The following ZNF888 variants were observed in gnomAD, a reference collection of about 807,000 sequenced individuals.
The protein encoded by ZNF888 is zinc finger protein 888.
ZNF888 carries 5 observed loss-of-function variants against 7.2 expected under a neutral mutation model. The observed-to-expected ratio is 0.70, with a 90% CI of 0.36 to 1.46. The LOEUF (loss-of-function observed/expected upper bound fraction) is 1.46, where lower values mean the gene tolerates loss of function less well. Among genes scored for constraint, ZNF888 ranks in the 40% most tolerant of loss-of-function variants. The pLI, the probability that ZNF888 is intolerant of heterozygous loss-of-function variation, is 0.03. For missense variants in ZNF888, 716 were observed against 858.0 expected, an observed-to-expected ratio of 0.83 and a Z score of 2.07; for synonymous variants, 240 against 284.3, an observed-to-expected ratio of 0.84 and a Z score of 1.57.
In ZNF888 at chr19:52,907,860, C is replaced by G. The variant is rs2064630205; in HGVS notation, c.462G>C (p.Gln154His). The G allele has an allele frequency of 6.2e-7, 1 of 1,613,996 alleles. No homozygotes were observed. The highest frequency in any genetic ancestry group is 8.5e-7 in the Non-Finnish European group (1 of 1,180,022). ...HSHLPELHIF[Q>H]PEGKIGNQLE... ...GTTGATTACCAATTTTCCCTTCGGG[C>G]TGAAATATGTGCAGTTCAGGCAGAT... Residue 154 changes from glutamine (Q) to histidine (H), a missense_variant, in exon 5 of 5, where the codon CAG becomes CAC. Gln to His is a conservative substitution (Grantham distance 24). Coordinates refer to ENST00000638862, the MANE Select transcript of ZNF888 (RefSeq NM_001393938.1).
intron 4 of ZNF888, among the ~76,000 whole-genome samples, chr19:52,910,363 C>T (rs908878167): frequency 2.0e-5 from 3 of 151,974 alleles, no homozygotes; most frequent in Admixed American, 6.6e-5. Flanking sequence ...ATCCCAGCTA[C>T]TTGGGAGGCT....
At chr19:52,917,405 C>A in intron 3 of ZNF888, 1 of 369,762 alleles carries the variant, frequency 2.7e-6, no homozygotes, top group East Asian at 5.5e-5. Flanking sequence ...ACTCAATTAC[C>A]TAAAAATGTA....
At chr19:52,910,650 C>T (rs2064667063) in intron 4 of ZNF888, among the ~76,000 whole-genome samples, 1 of 152,060 alleles carries the variant, frequency 6.6e-6, no homozygotes, top group South Asian at 2.1e-4. Context: ...TTCCTCTTTC[C>T]ACCATGTTAG....
chr19:52,913,369 G>T (rs1413083987), intron 4 of ZNF888, among the ~76,000 whole-genome samples: 1 of 121,824 alleles, frequency 8.2e-6, no homozygotes, highest in Non-Finnish European at 1.6e-5. Flanking sequence ...CTGTCACCCA[G>T]CCTGGAGTGC....
chr19:52,910,668 C>T (rs931143192), intron 4 of ZNF888, among the ~76,000 whole-genome samples: 1 of 152,094 alleles, frequency 6.6e-6, no homozygotes, highest in African/African-American at 2.4e-5. Context: ...TAGGACATGG[C>T]AGGAAGATGG....
In ZNF888 at chr19:52,906,406, C is replaced by G; in HGVS notation, c.1916G>C (p.Cys639Ser). 6.2e-7 allele frequency: 1 copy of G among 1,613,034 alleles called. No individual in the cohort carries two copies. The highest frequency in any genetic ancestry group is 8.5e-7 in the Non-Finnish European group (1 of 1,179,432). Reference protein sequence around the residue: ...TGEKPYKCRVCDKAFGRDSYL... With the variant: ...TGEKPYKCRVSDKAFGRDSYL... ...TGAATCACGCCCAAAAGCCTTGTCG[C>G]AAACCCTACATTTGTATGGTTTCTC... Residue 639 changes from cysteine (C) to serine (S), a missense_variant, in exon 5 of 5, where the codon TGC (cysteine) becomes TCC (serine). By Grantham distance (112) the Cys-to-Ser change is moderately radical. Around this residue, in one of 2 missense-constraint regions of ZNF888, gnomAD observed 697 missense variants for 803.4 expected, o/e 0.87. Coordinates refer to ENST00000638862, the MANE Select transcript of ZNF888 (RefSeq NM_001393938.1).
chr19:52,915,164 G>T (rs779651329), intron 4 of ZNF888, 32 bp downstream of exon 4: 1 of 1,518,228 alleles, frequency 6.6e-7, no homozygotes, highest in African/African-American at 1.7e-5. Context: ...AGATCCACAA[G>T]GGAACATCCC....
rs1370267472 is a variant in ZNF888 at position 52,907,415 on chromosome 19, A to T, written c.907T>A (p.Cys303Ser). 6.2e-7 allele frequency: 1 copy of T among 1,612,018 alleles called. No individual in the cohort carries two copies. The highest frequency in any genetic ancestry group is 8.5e-7 in the Non-Finnish European group (1 of 1,178,914). The change falls in exon 5 of 5, where the codon TGT becomes AGT. Residue 303 changes from cysteine to serine, a missense_variant. By Grantham distance (112) the Cys-to-Ser change is moderately radical (BLOSUM62 -1). Around this residue, in one of 2 missense-constraint regions of ZNF888, gnomAD observed 697 missense variants for 803.4 expected, o/e 0.87. Transcript: ENST00000638862. ...TGEKPYKCNECGKTFSDKSAL... is the reference protein window; with the variant it reads ...TGEKPYKCNESGKTFSDKSAL... ...GACTTGTCACTGAACGTCTTGCCAC[A>T]CTCATTACACTTGTAAGGTTTTTCT...
chr19:52,922,781 C>T (rs1440791066), intron 1 of ZNF888, among the ~76,000 whole-genome samples: 1 of 152,176 alleles, frequency 6.6e-6, no homozygotes, highest in Non-Finnish European at 1.5e-5. Context: ...TTTCCAGGGG[C>T]TGGAGCTGGG....
intron 1 of ZNF888, among the ~76,000 whole-genome samples, chr19:52,922,947 G>A (rs138263399): frequency 2.0e-3 from 310 of 152,136 alleles, no homozygotes; most frequent in African/African-American, 7.2e-3. Context: ...ACAAGGGTGG[G>A]GTCCGCAGGA....
chr19:52,907,638 G>C lies in ZNF888; in HGVS notation c.684C>G (p.Leu228=), dbSNP rs2147923126. ...GATGAATTATCTGATGTTTTTTAAAGAGTGAGCTACAATTAAAGGATTTGC... is the reference window on the plus strand; with the variant it reads ...GATGAATTATCTGATGTTTTTTAAACAGTGAGCTACAATTAAAGGATTTGC... The part of the protein sequence containing the change: ...ESGKSFNCSS[L]FKKHQIIHLG... The change falls in exon 5 of 5, where the codon CTC becomes CTG. Residue 228 remains leucine, a synonymous_variant. Coordinates refer to ENST00000638862, the MANE Select transcript of ZNF888 (RefSeq NM_001393938.1). 1 of 1,604,094 alleles carries C rather than the reference G, an allele frequency of 6.2e-7. No homozygotes were observed. The highest frequency in any genetic ancestry group is 8.5e-7 in the Non-Finnish European group (1 of 1,176,274).
intron 4 of ZNF888, chr19:52,913,585 A>T: frequency 2.5e-6 from 1 of 404,450 alleles, no homozygotes; most frequent in Non-Finnish European, 3.3e-6. Context: ...CAGCCTCCCA[A>T]AGTCCTGGGA....
Position 52,907,954 on chromosome 19 carries a change from T to C in ZNF888, c.368A>G (p.Asp123Gly), listed in dbSNP as rs2064631591. Residue 123 changes from aspartate to glycine, a missense_variant, in exon 5 of 5, where the codon GAC becomes GGC. Physicochemically the swap from Asp to Gly is moderately conservative, Grantham distance 94 (BLOSUM62 -1). Around this residue, in one of 2 missense-constraint regions of ZNF888, gnomAD observed 697 missense variants for 803.4 expected, o/e 0.87. Coordinates refer to ENST00000638862, the MANE Select transcript of ZNF888 (RefSeq NM_001393938.1). ...TEIKELTGST[D>G]QYDQRHAGNK... ...TCCAGCATGCCTTTGATCATATTGG[T>C]CTGTACTACCCGTCAACTCTTTGAT... is the stretch of plus-strand genomic sequence containing the variant. 4 of 1,614,138 alleles carry C rather than the reference T, an allele frequency of 2.5e-6. No homozygotes were observed. The highest frequency in any genetic ancestry group is 3.4e-6 in the Non-Finnish European group (4 of 1,180,020).
chr19:52,905,472 T>C lies in ZNF888; in HGVS notation c.*693A>G. On this transcript the variant is annotated 3_prime_UTR_variant, in exon 5 of 5. Coordinates refer to ENST00000638862, the MANE Select transcript of ZNF888 (RefSeq NM_001393938.1). ...AAAAAAAAAAAATCTGTATCTGTTT[T>C]TGTTAAAGAAACAAAAAACAGGCTG... The C allele has an allele frequency of 5.9e-6, 1 of 168,496 alleles. No individual in the cohort carries two copies. The highest frequency in any genetic ancestry group is 1.7e-4 in the East Asian group (1 of 5,796). The allele number at this position is 168,496 out of a possible 1,614,324, so 10.4% of individuals were successfully genotyped here.
At position 52,906,973 on chromosome 19, in the gene ZNF888, T is replaced by G. The variant is rs111819213; in HGVS notation, c.1349A>C (p.Gln450Pro). The G allele has an allele frequency of 0.024, 39,020 of 1,613,750 alleles. 597 individuals carry two copies. The highest frequency in any genetic ancestry group is 0.029 in the Non-Finnish European group (34,011 of 1,179,876). The change falls in exon 5 of 5, where the codon CAA (glutamine) becomes CCA (proline). Residue 450 changes from glutamine (Q) to proline (P), a missense_variant. Physicochemically the swap from Gln to Pro is moderately conservative, Grantham distance 76 (BLOSUM62 -1). Around this residue, in one of 2 missense-constraint regions of ZNF888, gnomAD observed 697 missense variants for 803.4 expected, o/e 0.87. Transcript: ENST00000638862. Reference sequence around the variant, plus strand: ...TCTATGATGACGTGCAAGGTTTGATTGTTGATTGAAAACCTTGCCACATTC... The same window carrying G: ...TCTATGATGACGTGCAAGGTTTGATGGTTGATTGAAAACCTTGCCACATTC... Reference protein sequence around the residue: ...CNECGKVFNQQSNLARHHRLH... With the variant: ...CNECGKVFNQPSNLARHHRLH...
chr19:52,914,938 G>A (rs1385313268), intron 4 of ZNF888, among the ~76,000 whole-genome samples: 2 of 152,214 alleles, frequency 1.3e-5, no homozygotes, highest in Non-Finnish European at 2.9e-5. Flanking sequence ...TGGGATGACA[G>A]GCGTGAGCCA....
At chr19:52,923,297 C>A in intron 1 of ZNF888, 72 bp downstream of exon 1, 1 of 985,520 alleles carries the variant, frequency 1.0e-6, no homozygotes, top group Non-Finnish European at 1.2e-6. Flanking sequence ...TCTGTGGAGA[C>A]CCCACATCCC....
At position 52,918,887 on chromosome 19, in the gene ZNF888, T is replaced by A; in HGVS notation, c.-127A>T. The A allele has an allele frequency of 1.3e-5, 2 of 151,112 alleles. No individual in the cohort carries two copies. Among genetic ancestry groups the A allele is most frequent in the Non-Finnish European group, 1.5e-5 (1 of 67,944 alleles). 9.4% of individuals were successfully genotyped at this position (151,112 alleles called of 1,614,324 possible). A position where few individuals can be genotyped will look rare whatever the true frequency, so the allele number is the denominator to read the frequency against. On this transcript the variant is annotated 5_prime_UTR_variant, in exon 2 of 5. Transcript: ENST00000638862. ...TGAACCCAGGAGACAGAGGTTGCAG[T>A]GAGCCAAGATCATGACAGTGCACTC...
rs2064597563 is a variant in ZNF888 at position 52,905,542 on chromosome 19, T to G, written c.*623A>C. The G allele has an allele frequency of 4.7e-6, 1 of 214,142 alleles. No individual in the cohort carries two copies. The highest frequency in any genetic ancestry group is 2.4e-5 in the African/African-American group (1 of 42,034). 13.3% of individuals were successfully genotyped at this position (214,142 alleles called of 1,614,324 possible). On this transcript the variant is annotated 3_prime_UTR_variant, in exon 5 of 5. Coordinates refer to ENST00000638862, the MANE Select transcript of ZNF888 (RefSeq NM_001393938.1). ...GTTGGCCACACTAGTCTCAAACTCCTGACCTCAAGAGATCCACCCACCTTG... is the reference window on the plus strand; with the variant it reads ...GTTGGCCACACTAGTCTCAAACTCCGGACCTCAAGAGATCCACCCACCTTG...
Sources: allele counts gnomAD v4.1 joint callset (sites outside exome capture counted in the v4.1 genomes callset), GRCh38; gene constraint gnomAD v4.1.1; regional missense constraint gnomAD v4.1.1; transcripts MANE v1.5; gene names NCBI Gene and HGNC (gene_info 2026-07-23, HGNC 2026-07-21).